The following OR10J1 variants were observed in gnomAD, a reference collection of about 807,000 sequenced individuals.
The protein encoded by OR10J1 is olfactory receptor 10J1.
For synonymous variants in OR10J1, 202 were observed against 143.8 expected, an observed-to-expected ratio of 1.40 and a Z score of -2.89; for missense variants, 474 against 376.6, an observed-to-expected ratio of 1.26 and a Z score of -2.14.
chr1:159,426,483 A>G, the OR10J1 span, among the ~76,000 whole-genome samples: 2 of 151,956 alleles, frequency 1.3e-5, no homozygotes, highest in East Asian at 3.8e-4. Flanking sequence ...AAGATACTCC[A>G]TTTATGAATG....
chr1:159,410,536 G>T, the OR10J1 span, among the ~76,000 whole-genome samples: 2 of 151,986 alleles, frequency 1.3e-5, no homozygotes. Flanking sequence ...TGTGGGATTG[G>T]TGGTGATATC....
the OR10J1 span, among the ~76,000 whole-genome samples, chr1:159,413,302 C>T: frequency 1.3e-5 from 2 of 152,062 alleles, no homozygotes; most frequent in East Asian, 3.9e-4. Flanking sequence ...GGATCTAGAA[C>T]TAGAAATACC....
chr1:159,410,609 C>T, the OR10J1 span, among the ~76,000 whole-genome samples: 3,982 of 151,534 alleles, frequency 0.026, 171 homozygotes, highest in African/African-American at 0.091. Context: ...ATTAGTCTTG[C>T]TAGCAGTCTA....
At chr1:159,409,392 C>A in the OR10J1 span, among the ~76,000 whole-genome samples, 2,484 of 152,154 alleles carry the variant, frequency 0.016, 25 homozygotes, top group Non-Finnish European at 0.022. Flanking sequence ...TAGGAATAGC[C>A]TATTGTGGCA....
chr1:159,403,093 A>G, the OR10J1 span, among the ~76,000 whole-genome samples: 3 of 152,106 alleles, frequency 2.0e-5, no homozygotes, highest in Non-Finnish European at 4.4e-5. Flanking sequence ...ATCTCTCACC[A>G]TGCACAAAAA....
the OR10J1 span, among the ~76,000 whole-genome samples, chr1:159,415,705 C>A: frequency 6.6e-6 from 1 of 151,460 alleles, no homozygotes. Flanking sequence ...TAATTTTAAA[C>A]GATATGACTA....
chr1:159,415,986 T>A, the OR10J1 span, among the ~76,000 whole-genome samples: 1 of 151,996 alleles, frequency 6.6e-6, no homozygotes, highest in Non-Finnish European at 1.5e-5. Context: ...ATTCACTAGG[T>A]CACTATTCAT....
upstream of OR10J1, among the ~76,000 whole-genome samples, chr1:159,435,466 T>G (rs1327415150): frequency 6.6e-6 from 1 of 152,230 alleles, no homozygotes; most frequent in African/African-American, 2.4e-5. Context: ...AGAACTTATT[T>G]TTCCTATCAA....
chr1:159,412,991 GA>G, the OR10J1 span, among the ~76,000 whole-genome samples: 1 of 151,758 alleles, frequency 6.6e-6, no homozygotes, highest in Non-Finnish European at 1.5e-5. Flanking sequence ...AAATTTACAA[GA>G]AAAAAACAAA....
At chr1:159,418,848 C>A in the OR10J1 span, among the ~76,000 whole-genome samples, 43 of 152,274 alleles carry the variant, frequency 2.8e-4, no homozygotes, top group African/African-American at 9.1e-4. Flanking sequence ...GGTGGAGCTG[C>A]CCAAGATCAT....
chr1:159,423,048 A>G, the OR10J1 span, among the ~76,000 whole-genome samples: 221 of 152,302 alleles, frequency 1.5e-3, no homozygotes, highest in African/African-American at 5.2e-3. Flanking sequence ...TACCAGATGC[A>G]TCTAGTCAGC....
the OR10J1 span, among the ~76,000 whole-genome samples, chr1:159,400,866 A>G: frequency 6.6e-6 from 1 of 152,158 alleles, no homozygotes; most frequent in South Asian, 2.1e-4. Context: ...ACTATATATT[A>G]GGTGACAAAA....
the OR10J1 span, chr1:159,405,978 A>G: frequency 6.6e-6 from 3 of 457,834 alleles, no homozygotes; most frequent in South Asian, 6.0e-5. Context: ...TGAATACCGT[A>G]AGGGGTTGCA....
chr1:159,422,826 C>A, the OR10J1 span, among the ~76,000 whole-genome samples: 1 of 151,966 alleles, frequency 6.6e-6, no homozygotes, highest in Non-Finnish European at 1.5e-5. Context: ...AAATGAGGAC[C>A]ACTGGGGGGC....
the OR10J1 span, among the ~76,000 whole-genome samples, chr1:159,406,790 A>C: frequency 6.6e-6 from 1 of 152,064 alleles, no homozygotes; most frequent in Non-Finnish European, 1.5e-5. Context: ...AATGTTGATA[A>C]ATATCTGGGT....
upstream of OR10J1, among the ~76,000 whole-genome samples, chr1:159,436,060 G>A (rs1251484474): frequency 6.6e-6 from 1 of 152,132 alleles, no homozygotes; most frequent in African/African-American, 2.4e-5. Flanking sequence ...TGCTACTGAA[G>A]TGGTATACCT....
the OR10J1 span, among the ~76,000 whole-genome samples, chr1:159,428,420 T>C: frequency 2.0e-5 from 3 of 152,196 alleles, no homozygotes; most frequent in African/African-American, 7.2e-5. Context: ...AGTATCGGGT[T>C]TCCTTTTCTT....
chr1:159,422,247 T>G, the OR10J1 span, among the ~76,000 whole-genome samples: 1 of 152,118 alleles, frequency 6.6e-6, no homozygotes. Context: ...TATTGGCTTT[T>G]GTAGGGAGAG....
the OR10J1 span, among the ~76,000 whole-genome samples, chr1:159,427,151 C>T: frequency 0.14 from 21,285 of 151,628 alleles, 1,989 homozygotes; most frequent in Non-Finnish European, 0.21. Context: ...ATATATACTA[C>T]TACGGCTTCA....
Sources: gnomAD v4.1 joint callset for allele counts (sites outside exome capture counted in the v4.1 genomes callset) on GRCh38, gnomAD v4.1.1 for gene constraint, MANE v1.5 for transcripts, NCBI Gene and HGNC (gene_info 2026-07-23, HGNC 2026-07-21) for gene names.